Variants in CSMD2 observed in about 807,000 individuals in gnomAD.
CSMD2 encodes the protein CUB and Sushi multiple domains 2, also known as CUB and sushi domain-containing protein 2.
A neutral mutation model predicts 398.5 loss-of-function variants in CSMD2; 130 were observed. The observed-to-expected ratio is 0.33, with a 90% CI of 0.28 to 0.38. CSMD2 has a LOEUF of 0.38. CSMD2 is among the 10% of genes least tolerant of loss of function. The probability of loss-of-function intolerance (pLI) is 1.00; values close to 1 mark genes in which losing one functional copy is unlikely to be tolerated. For synonymous variants in CSMD2, 1,828 were observed against 1,908.5 expected, an observed-to-expected ratio of 0.96 and a Z score of 1.10; for missense variants, 3,829 against 4,764.9, an observed-to-expected ratio of 0.80 and a Z score of 5.78.
intron 1 of CSMD2, among the ~76,000 whole-genome samples, chr1:34,123,665 A>G (rs1183319609): frequency 6.6e-6 from 1 of 152,078 alleles, no homozygotes; most frequent in Non-Finnish European, 1.5e-5. Context: ...CATCAGGTAG[A>G]TAGGGTAGGA....
intron 13 of CSMD2, among the ~76,000 whole-genome samples, chr1:33,750,683 C>A (rs1338232049): frequency 1.3e-5 from 2 of 151,994 alleles, no homozygotes; most frequent in Non-Finnish European, 2.9e-5. Flanking sequence ...GAAAAGGAAC[C>A]AAAAATATAT....
At chr1:33,657,520 G>A (rs537729775) in intron 27 of CSMD2, among the ~76,000 whole-genome samples, 31 of 152,176 alleles carry the variant, frequency 2.0e-4, no homozygotes, top group Non-Finnish European at 4.3e-4. Flanking sequence ...ATTTCCTTGA[G>A]AACAGCAAAA....
intron 6 of CSMD2, among the ~76,000 whole-genome samples, chr1:33,836,436 G>C (rs1660276130): frequency 1.3e-5 from 2 of 152,348 alleles, no homozygotes; most frequent in East Asian, 1.9e-4. Context: ...GCTGCCTTTT[G>C]TTTGGCTATA....
At chr1:33,777,932 T>G (rs903777042) in intron 12 of CSMD2, among the ~76,000 whole-genome samples, 2 of 152,304 alleles carry the variant, frequency 1.3e-5, no homozygotes, top group African/African-American at 2.4e-5. Context: ...CACTGAATAT[T>G]TGATGTGCTC....
chr1:34,023,248 T>C (rs1173537123), intron 3 of CSMD2, among the ~76,000 whole-genome samples: 1 of 152,206 alleles, frequency 6.6e-6, no homozygotes, highest in Non-Finnish European at 1.5e-5. Flanking sequence ...GGATAGTGAA[T>C]GACCACAGAC....
At position 33,775,411 on chromosome 1, in the gene CSMD2, GT is replaced by G. The variant is rs933250936; in HGVS notation, c.1664-2661del. Among the ~76,000 whole-genome samples the G allele has an allele frequency of 1.2e-4, 18 of 151,852 alleles. 1 individual carries two copies. The highest frequency in any genetic ancestry group is 3.4e-3 in the Middle Eastern group (1 of 290). ...AAGTGTTATTTATCTTAATTGCTGA[GT>G]TTTTTTTTCCCCATCACTTAAATTT... On this transcript the variant is annotated intron_variant, in intron 12 of 70. Coordinates refer to ENST00000373381, the MANE Select transcript of CSMD2 (RefSeq NM_001281956.2).
intron 3 of CSMD2, among the ~76,000 whole-genome samples, chr1:33,974,436 A>G (rs1170583559): frequency 6.6e-6 from 1 of 152,260 alleles, no homozygotes; most frequent in East Asian, 1.9e-4. Flanking sequence ...GACATGAGCC[A>G]GTCAGGCTGT....
Position 33,864,738 on chromosome 1 carries a change from G to C in CSMD2, c.921-17742C>G, listed in dbSNP as rs150719354. 2.2e-5 allele frequency: 35 copies of C among 1,609,620 alleles called. No homozygotes were observed. In the African/African-American group the frequency reaches 4.6e-4, roughly 21 times the overall value. ...TAGAAACCGGTGCAGAGGGAAAAGA[G>C]TCAGGCAGAGCTGATGGATCCAGTT... On this transcript the variant is annotated intron_variant, in intron 5 of 70. Transcript: ENST00000373381.
intron 49 of CSMD2, among the ~76,000 whole-genome samples, chr1:33,576,370 C>T (rs1358318662): frequency 9.9e-5 from 15 of 152,152 alleles, no homozygotes; most frequent in Admixed American, 9.2e-4. Context: ...GTGGGCGGAT[C>T]ACCTGAGGTC....
intron 4 of CSMD2, among the ~76,000 whole-genome samples, chr1:33,918,528 T>C (rs779767493): frequency 1.3e-5 from 2 of 152,098 alleles, no homozygotes; most frequent in Non-Finnish European, 2.9e-5. Context: ...AGGAGTTCAC[T>C]AGATGGAGAA....
intron 62 of CSMD2, among the ~76,000 whole-genome samples, chr1:33,534,437 C>T (rs934507306): frequency 6.6e-6 from 1 of 152,126 alleles, no homozygotes; most frequent in Non-Finnish European, 1.5e-5. Context: ...ACAGATATGG[C>T]CCCCATAGAA....
At chr1:34,062,886 C>T (rs565422213) in intron 2 of CSMD2, among the ~76,000 whole-genome samples, 2 of 152,190 alleles carry the variant, frequency 1.3e-5, no homozygotes, top group East Asian at 1.9e-4. Flanking sequence ...AAGACATACC[C>T]GAGACTGGGA....
rs1373050607 is a variant in CSMD2, at chr1:33,743,487, T to G, written c.1966A>C (p.Ile656Leu). ...TCAATGTCGTTGAAGGCCAGGTGGA[T>G]GCGGCTCTCAGGCCTGGCCAGGATG... ...WLILARPESR[I>L]HLAFNDIDVE... The change falls in exon 14 of 71, where the codon ATC becomes CTC. Residue 656 changes from isoleucine (I) to leucine (L), a missense_variant. By Grantham distance (5) the Ile-to-Leu change is conservative. Transcript: ENST00000373381. 6.2e-7 allele frequency: 1 copy of G among 1,614,080 alleles called. No homozygotes were observed.
chr1:34,003,933 G>A (rs1646978374), intron 3 of CSMD2, among the ~76,000 whole-genome samples: 1 of 152,176 alleles, frequency 6.6e-6, no homozygotes, highest in Admixed American at 6.5e-5. Flanking sequence ...TCCCATTGGA[G>A]AACTGCCCTG....
At chr1:34,085,887 C>A (rs1657819402) in intron 2 of CSMD2, among the ~76,000 whole-genome samples, 3 of 152,134 alleles carry the variant, frequency 2.0e-5, no homozygotes, top group Admixed American at 2.0e-4. Context: ...CAAGACTGCT[C>A]TGGAAACACT....
At chr1:33,979,419 G>A (rs142132813) in intron 3 of CSMD2, among the ~76,000 whole-genome samples, 79 of 152,264 alleles carry the variant, frequency 5.2e-4, no homozygotes, top group African/African-American at 1.4e-3. Flanking sequence ...CCAAAGCGTC[G>A]TCAACCTGCT....
intron 5 of CSMD2, among the ~76,000 whole-genome samples, chr1:33,895,535 C>T (rs1054095293): frequency 2.0e-5 from 3 of 152,120 alleles, no homozygotes; most frequent in Non-Finnish European, 4.4e-5. Flanking sequence ...ATGGGTAAGA[C>T]AAAAGGTTAG....
chr1:33,675,749 G>T (rs1228800243), intron 25 of CSMD2, among the ~76,000 whole-genome samples: 2 of 152,104 alleles, frequency 1.3e-5, no homozygotes, highest in African/African-American at 4.8e-5. Context: ...ACATCAAAAA[G>T]CTTATGCACC....
intron 3 of CSMD2, among the ~76,000 whole-genome samples, chr1:33,996,864 G>A (rs1646742854): frequency 6.6e-6 from 1 of 152,036 alleles, no homozygotes; most frequent in Admixed American, 6.6e-5. Context: ...GAGAAAAAAG[G>A]GACCGGAAGA....
Sources: gnomAD v4.1 joint callset for allele counts (sites outside exome capture counted in the v4.1 genomes callset) on GRCh38, gnomAD v4.1.1 for gene constraint, MANE v1.5 for transcripts, NCBI Gene and HGNC (gene_info 2026-07-23, HGNC 2026-07-21) for gene names.